CDH4: variants seen among roughly 807,000 people sequenced by gnomAD.
CDH4 encodes cadherin 4, also known as cadherin-4.
Under a neutral mutation model 86.0 loss-of-function variants are expected in CDH4, and 33 were observed. The ratio of observed to expected loss-of-function variants is 0.38; its 90% confidence interval spans 0.29 to 0.51. The LOEUF is 0.51. CDH4 is among the 20% of genes least tolerant of loss of function. The pLI is 0.86. For missense variants in CDH4, 1,114 were observed against 1,307.4 expected (o/e 0.85, Z 2.28); for synonymous variants, 555 against 549.4 (o/e 1.01, Z -0.14).
At chr20:61,473,024 G>A (rs2085514491) in intron 2 of CDH4, among the ~76,000 whole-genome samples, 1 of 152,132 alleles carries the variant, frequency 6.6e-6, no homozygotes, top group African/African-American at 2.4e-5. Context: ...GCAGGGGAGG[G>A]GAGGGGATTG....
At chr20:61,660,442 G>A (rs1319079961) in intron 2 of CDH4, among the ~76,000 whole-genome samples, 1 of 152,238 alleles carries the variant, frequency 6.6e-6, no homozygotes, top group East Asian at 1.9e-4. Context: ...TCGAAGGCAG[G>A]TGACGCCGGG....
At chr20:61,793,129 A>AT (rs1199404452) in intron 4 of CDH4, among the ~76,000 whole-genome samples, 4 of 151,614 alleles carry the variant, frequency 2.6e-5, no homozygotes, top group East Asian at 3.9e-4. Flanking sequence ...CGCCCAACTA[A>AT]TTTTTTGTAT....
intron 2 of CDH4, among the ~76,000 whole-genome samples, chr20:61,674,344 G>A (rs1021292276): frequency 8.5e-5 from 13 of 152,212 alleles, no homozygotes; most frequent in East Asian, 5.8e-4. Flanking sequence ...GTCACAGGGC[G>A]TCCAGACCAG....
intron 2 of CDH4, among the ~76,000 whole-genome samples, chr20:61,333,184 C>T (rs2084593476): frequency 6.6e-6 from 1 of 152,144 alleles, no homozygotes; most frequent in Non-Finnish European, 1.5e-5. Flanking sequence ...GTAGGTGTGA[C>T]AACTGCTTGT....
At chr20:61,283,842 A>G (rs536241830) in intron 2 of CDH4, among the ~76,000 whole-genome samples, 1 of 152,186 alleles carries the variant, frequency 6.6e-6, no homozygotes, top group Admixed American at 6.5e-5. Flanking sequence ...GGTGGTGCCA[A>G]TTTATATTCC....
chr20:61,635,106 G>T (rs6061685), intron 2 of CDH4, among the ~76,000 whole-genome samples: 2 of 152,112 alleles, frequency 1.3e-5, no homozygotes, highest in African/African-American at 4.8e-5. Flanking sequence ...TGAGCGTGGG[G>T]TGCAGACCTC....
chr20:61,631,363 C>T (rs1362755123), intron 2 of CDH4, among the ~76,000 whole-genome samples: 1 of 152,206 alleles, frequency 6.6e-6, no homozygotes, highest in Admixed American at 6.5e-5. Context: ...GGGGCCATGG[C>T]TGGGTGCAGT....
chr20:61,491,442 A>G (rs187926641), intron 2 of CDH4, among the ~76,000 whole-genome samples: 121 of 152,338 alleles, frequency 7.9e-4, no homozygotes, highest in Admixed American at 1.4e-3. Flanking sequence ...ACTAAGGGCT[A>G]GTGAAAAGGA....
intron 2 of CDH4, among the ~76,000 whole-genome samples, chr20:61,418,975 C>CT (rs1568837223): frequency 6.6e-6 from 1 of 152,206 alleles, no homozygotes; most frequent in East Asian, 1.9e-4. Context: ...TGTGACTTCT[C>CT]TTGTCATTGG....
intron 4 of CDH4, among the ~76,000 whole-genome samples, chr20:61,788,326 C>T (rs1978993640): frequency 6.6e-6 from 1 of 152,092 alleles, no homozygotes; most frequent in Non-Finnish European, 1.5e-5. Flanking sequence ...AAAGAAACAG[C>T]CCTGAGGGGC....
chr20:61,568,917 A>G (rs915519972), intron 2 of CDH4, among the ~76,000 whole-genome samples: 12 of 152,298 alleles, frequency 7.9e-5, no homozygotes, highest in African/African-American at 2.9e-4. Context: ...TTTTCTGCTC[A>G]GTCAAAGGTG....
At chr20:61,586,828 G>A (rs763477767) in intron 2 of CDH4, among the ~76,000 whole-genome samples, 12 of 152,290 alleles carry the variant, frequency 7.9e-5, no homozygotes, top group Non-Finnish European at 1.3e-4. Context: ...CAGAGTGAGA[G>A]AGTAATTAAA....
chr20:61,863,681 AGCC>A lies in CDH4; in HGVS notation c.878-10046_878-10044del, dbSNP rs1315064943. 4.6e-5 allele frequency among the ~76,000 whole-genome samples: 7 copies of A among 152,282 alleles called. No individual in the cohort carries two copies. The East Asian group carries it at 1.4e-3, about 30-fold the overall frequency. ...CAGGTTCCCACTTCCCAGACACCAG[AGCC>A]AGCACTGCTTACAGCACAGGAAGGA... is the stretch of plus-strand genomic sequence containing the variant. On this transcript the variant is annotated intron_variant, in intron 6 of 15. Transcript: ENST00000614565.
chr20:61,850,135 C>G (rs1229932222), intron 5 of CDH4, among the ~76,000 whole-genome samples: 2 of 152,190 alleles, frequency 1.3e-5, no homozygotes, highest in Non-Finnish European at 2.9e-5. Context: ...CCAGAAGATT[C>G]CTTGAAGGAT....
At chr20:61,629,665 C>T (rs1333658137) in intron 2 of CDH4, among the ~76,000 whole-genome samples, 2 of 152,188 alleles carry the variant, frequency 1.3e-5, no homozygotes, top group Admixed American at 6.5e-5. Context: ...CCAGCCTTAA[C>T]AGAGGTGGCC....
chr20:61,856,231 G>T (rs569456467), intron 6 of CDH4, among the ~76,000 whole-genome samples: 1 of 152,192 alleles, frequency 6.6e-6, no homozygotes, highest in Admixed American at 6.5e-5. Flanking sequence ...TTTCAGATGC[G>T]TGTTCTAATG....
In CDH4 at chr20:61,387,435, CAA is replaced by C. The variant is rs1205947716; in HGVS notation, c.169+132500_169+132501del. ...AAACACACAGAGACACACAGCCACA[CAA>C]ACAGAGAAACACACAGCCACACAAA... is the stretch of plus-strand genomic sequence containing the variant. On this transcript the variant is annotated intron_variant, in intron 2 of 15. Transcript: ENST00000614565. Among the ~76,000 whole-genome samples, 25 of 144,480 alleles carry C rather than the reference CAA, an allele frequency of 1.7e-4. No individual in the cohort carries two copies. In the East Asian group the frequency reaches 2.3e-3, roughly 14 times the overall value. The allele number at this position is 144,480 out of a possible 152,430, so 94.8% of individuals were successfully genotyped here. A position where few individuals can be genotyped will look rare whatever the true frequency, so the allele number is the denominator to read the frequency against.
intron 2 of CDH4, among the ~76,000 whole-genome samples, chr20:61,526,696 G>GT (rs2085913552): frequency 7.3e-6 from 1 of 137,166 alleles, no homozygotes; most frequent in Non-Finnish European, 1.5e-5. Flanking sequence ...TATGGGGCAA[G>GT]TGATTGATTT....
At chr20:61,325,695 A>G (rs1247841956) in intron 2 of CDH4, among the ~76,000 whole-genome samples, 1 of 152,136 alleles carries the variant, frequency 6.6e-6, no homozygotes, top group Non-Finnish European at 1.5e-5. Flanking sequence ...AAGGGTTGAA[A>G]ATGCCACTCA....
Sources: allele counts gnomAD v4.1 joint callset (sites outside exome capture counted in the v4.1 genomes callset), GRCh38; gene constraint gnomAD v4.1.1; transcripts MANE v1.5; gene names NCBI Gene and HGNC (gene_info 2026-07-23, HGNC 2026-07-21).